NPR1: variants seen among roughly 807,000 people sequenced by gnomAD.
NPR1 encodes the protein atrial natriuretic peptide receptor 1.
In NPR1, 57 loss-of-function variants were observed where a neutral mutation model predicts 116.9. That is an observed-to-expected ratio of 0.49 (90% confidence interval 0.39 to 0.61). The LOEUF (loss-of-function observed/expected upper bound fraction) is 0.61, where lower values mean the gene tolerates loss of function less well. Ranked by LOEUF, NPR1 falls within the 20% of genes least tolerant of loss-of-function variation. NPR1 has a pLI of 0.00. For missense variants in NPR1, 1,096 were observed against 1,409.8 expected, an observed-to-expected ratio of 0.78 and a Z score of 3.56; for synonymous variants, 555 against 601.6, an observed-to-expected ratio of 0.92 and a Z score of 1.13.
rs373493865 is a variant in NPR1 at position 153,682,305 on chromosome 1, C to T, written c.1172-193C>T. Among the ~76,000 whole-genome samples the T allele has an allele frequency of 3.3e-5, 5 of 152,234 alleles. No homozygotes were observed. In the East Asian group the frequency reaches 5.8e-4, roughly 18 times the overall value. On this transcript the variant is annotated intron_variant, in intron 4 of 21. Transcript: ENST00000368680. ...GAACTCCTGACGTCAGGTGATCTGC[C>T]CGCCTCAGCCTCCCAAAGTGCTGGG...
intron 2 of NPR1, 183 bp downstream of exon 2, chr1:153,680,883 T>C: frequency 1.6e-6 from 1 of 638,010 alleles, no homozygotes; most frequent in Non-Finnish European, 2.7e-6. Flanking sequence ...AATTAGGCAA[T>C]GAAGGGCAGG....
At chr1:153,688,890 G>A in intron 15 of NPR1, 63 bp from the exon 16 acceptor site, 4 of 1,574,466 alleles carry the variant, frequency 2.5e-6, no homozygotes, top group Non-Finnish European at 3.5e-6. Flanking sequence ...CCTAGGGGCG[G>A]GCGCTCACGG....
intron 20 of NPR1, among the ~76,000 whole-genome samples, chr1:153,690,726 G>C (rs747841380): frequency 6.6e-6 from 1 of 151,986 alleles, no homozygotes; most frequent in African/African-American, 2.4e-5. Context: ...CGGATCACCT[G>C]AGGTCGGGGG....
In NPR1 at chr1:153,693,441, C is replaced by T. The variant is rs763231881; in HGVS notation, c.*27C>T. 1 of 1,528,696 alleles carries T rather than the reference C, an allele frequency of 6.5e-7. No individual in the cohort carries two copies. 94.7% of individuals were successfully genotyped at this position (1,528,696 alleles called of 1,614,324 possible). ...CTGCCTCCTCTCCTATCCCTCCACA[C>T]CTCCCTACCCTGTGCCAGAAGCAAC... On this transcript the variant is annotated 3_prime_UTR_variant, in exon 22 of 22. Transcript: ENST00000368680.
chr1:153,692,258 A>G (rs1337796982), intron 20 of NPR1, among the ~76,000 whole-genome samples: 1 of 152,226 alleles, frequency 6.6e-6, no homozygotes, highest in Non-Finnish European at 1.5e-5. Flanking sequence ...AAAATGAAGC[A>G]GAGAGAATTT....
rs992672130 is a variant in NPR1, at chr1:153,690,214, C to A, written c.2933-70C>A. 113 of 1,256,266 alleles carry A rather than the reference C, an allele frequency of 9.0e-5. No homozygotes were observed. In the African/African-American group the frequency reaches 1.5e-3, roughly 17 times the overall value. 77.8% of individuals were successfully genotyped at this position (1,256,266 alleles called of 1,614,324 possible). A position where few individuals can be genotyped will look rare whatever the true frequency, so the allele number is the denominator to read the frequency against. On this transcript the variant is annotated intron_variant, in intron 19 of 21. Coordinates refer to ENST00000368680, the MANE Select transcript of NPR1 (RefSeq NM_000906.4). ...CCTCCTGCCTGTCTTGGATTGTCCA[C>A]CTACCTCCCTTAACACCCCTCCCTC...
intron 6 of NPR1, 57 bp downstream of exon 6, chr1:153,683,568 A>C: frequency 6.2e-7 from 1 of 1,606,120 alleles, no homozygotes; most frequent in South Asian, 1.1e-5. Flanking sequence ...CCTTCCCCTA[A>C]GCACAGTCGA....
chr1:153,683,648 T>C, intron 6 of NPR1, 92 bp from the exon 7 acceptor site: 1 of 1,543,352 alleles, frequency 6.5e-7, no homozygotes, highest in Non-Finnish European at 8.9e-7. Flanking sequence ...CCTTCATCCA[T>C]CATCCCAGTT....
In NPR1 at chr1:153,679,216, G is replaced by A. The variant is rs1386282300; in HGVS notation, c.108G>A (p.Thr36=). ...GGGGCAGCCACGCGGGCAACCTGAC[G>A]GTAGCCGTGGTACTGCCGCTGGCCA... The part of the protein sequence containing the change: ...LLRGSHAGNL[T]VAVVLPLANT... The change falls in exon 1 of 22, where the codon ACG becomes ACA. Residue 36 remains threonine (T), a synonymous_variant. Coordinates refer to ENST00000368680, the MANE Select transcript of NPR1 (RefSeq NM_000906.4). This position sits in a 1 kb window ranked among gnomAD's most constrained non-coding sequence, Gnocchi z 4.2. 1.7e-5 allele frequency: 26 copies of A among 1,521,794 alleles called. No individual in the cohort carries two copies. The highest frequency in any genetic ancestry group is 2.9e-5 in the African/African-American group (2 of 69,956). The allele number at this position is 1,521,794 out of a possible 1,614,324, so 94.3% of individuals were successfully genotyped here.
At chr1:153,681,495 A>C in intron 3 of NPR1, 1 of 647,378 alleles carries the variant, frequency 1.5e-6, no homozygotes, top group Non-Finnish European at 2.7e-6. Flanking sequence ...TATGGAGACG[A>C]TACATCCTGC....
In NPR1 at chr1:153,689,189, T is replaced by G; in HGVS notation, c.2566T>G (p.Ser856Ala). Residue 856 changes from serine (S) to alanine (A), a missense_variant and splice_region_variant, in exon 17 of 22, where the codon TCA (serine) becomes GCA (alanine). Ser to Ala is a moderately conservative substitution (Grantham distance 99). Coordinates refer to ENST00000368680, the MANE Select transcript of NPR1 (RefSeq NM_000906.4). The surrounding 1 kb of genome is among the most constrained non-coding windows in gnomAD (Gnocchi z 5.1). ...EALLYQILPH[S>A]VAEQLKRGET... is the part of the protein sequence containing the mutation. ...CCTGCACCTGCCCTGACCCCTTAGC[T>G]CAGTGGCTGAGCAGCTGAAGCGTGG... The G allele has an allele frequency of 6.2e-7, 1 of 1,613,948 alleles. No individual in the cohort carries two copies. The highest frequency in any genetic ancestry group is 8.5e-7 in the Non-Finnish European group (1 of 1,179,976).
chr1:153,690,295 G>A lies in NPR1; in HGVS notation c.2944G>A (p.Ala982Thr). 1 of 1,557,866 alleles carries A rather than the reference G, an allele frequency of 6.4e-7. No individual in the cohort carries two copies. Among genetic ancestry groups the A allele is most frequent in the East Asian group, 2.4e-5 (1 of 41,976 alleles). Reference sequence around the variant, plus strand: ...CTTGCTCCTCCCAGGACCTGTGTGTGCTGGAGTGGTGGGACTGAAGATGCC... The same window carrying A: ...CTTGCTCCTCCCAGGACCTGTGTGTACTGGAGTGGTGGGACTGAAGATGCC... ...RIGIHTGPVC[A>T]GVVGLKMPRY... Residue 982 changes from alanine to threonine, a missense_variant, in exon 20 of 22, where the codon GCT becomes ACT. Ala to Thr is a moderately conservative substitution (Grantham distance 58). Coordinates refer to ENST00000368680, the MANE Select transcript of NPR1 (RefSeq NM_000906.4).
In NPR1 at chr1:153,687,024, G is replaced by A; in HGVS notation, c.1872G>A (p.Leu624=). 6.2e-7 allele frequency: 1 copy of A among 1,614,098 alleles called. No individual in the cohort carries two copies. The highest frequency in any genetic ancestry group is 8.5e-7 in the Non-Finnish European group (1 of 1,179,942). ...TCTTATTGCCCCAGCAGGACATTCT[G>A]GAGAATGAGAGCATCACCCTGGACT... ...YCPRGSLQDI[L]ENESITLDWM... is the part of the protein sequence containing the mutation. Residue 624 remains leucine (L), a synonymous_variant, in exon 12 of 22, where the codon CTG becomes CTA. Transcript: ENST00000368680.
Position 153,679,014 on chromosome 1 carries a change from G to T in NPR1, c.-95G>T. On this transcript the variant is annotated 5_prime_UTR_variant, in exon 1 of 22. In the 5' UTR this introduces an upstream ATG that the reference lacks. Coordinates refer to ENST00000368680, the MANE Select transcript of NPR1 (RefSeq NM_000906.4). This position sits in a 1 kb window ranked among gnomAD's most constrained non-coding sequence, Gnocchi z 4.2. Reference sequence around the variant, plus strand: ...CGTCCCGCTCCTGCTCCTTCCCATAGGGACGCGCCTGATGCCTGGGACCGG... The same window carrying T: ...CGTCCCGCTCCTGCTCCTTCCCATATGGACGCGCCTGATGCCTGGGACCGG... 7.5e-7 allele frequency: 1 copy of T among 1,337,478 alleles called. No homozygotes were observed. 82.9% of individuals were successfully genotyped at this position (1,337,478 alleles called of 1,614,324 possible).
chr1:153,688,000 C>G (rs546531096), intron 14 of NPR1, 53 bp from the exon 15 acceptor site: 117 of 1,339,942 alleles, frequency 8.7e-5, no homozygotes, highest in African/African-American at 6.1e-4. Flanking sequence ...CCCAGTCTCT[C>G]ACTAGGCCCT....
Position 153,679,171 on chromosome 1 carries a change from G to T in NPR1, c.63G>T (p.Pro21=). The stretch of plus-strand genomic sequence containing the variant: ...GCCTGCTCCTGCTCCTGCTGCTGCC[G>T]CCGCTGCTGCTGCTGCTCCGGGGCA... ...RLRLLLLLLL[P]PLLLLLRGSH... is the part of the protein sequence containing the mutation. Residue 21 remains proline (P), a synonymous_variant, in exon 1 of 22, where the codon CCG becomes CCT. Coordinates refer to ENST00000368680, the MANE Select transcript of NPR1 (RefSeq NM_000906.4). This position sits in a 1 kb window ranked among gnomAD's most constrained non-coding sequence, Gnocchi z 4.2. 6.7e-7 allele frequency: 1 copy of T among 1,502,258 alleles called. No homozygotes were observed. Among genetic ancestry groups the T allele is most frequent in the Non-Finnish European group, 8.8e-7 (1 of 1,131,954 alleles). 93.1% of individuals were successfully genotyped at this position (1,502,258 alleles called of 1,614,324 possible).
rs748660790 is a variant in NPR1, at chr1:153,693,426, T to C, written c.*12T>C. On this transcript the variant is annotated 3_prime_UTR_variant, in exon 22 of 22. Coordinates refer to ENST00000368680, the MANE Select transcript of NPR1 (RefSeq NM_000906.4). ...GCACCCGAGGCTGACCTGCCTCCTC[T>C]CCTATCCCTCCACACCTCCCTACCC... 2.5e-6 allele frequency: 4 copies of C among 1,578,436 alleles called. No individual in the cohort carries two copies. The South Asian group carries it at 4.5e-5, about 18-fold the overall frequency.
intron 4 of NPR1, 81 bp from the exon 5 acceptor site, chr1:153,682,416 AG>A: frequency 9.8e-7 from 1 of 1,016,588 alleles, no homozygotes; most frequent in South Asian, 1.3e-5. Flanking sequence ...AAGGCAAAAA[AG>A]ATTAGAGGAT....
At position 153,682,571 on chromosome 1, in the gene NPR1, C is replaced by T. The variant is rs201584708; in HGVS notation, c.1245C>T (p.Pro415=). 6.8e-5 allele frequency: 109 copies of T among 1,613,744 alleles called. No homozygotes were observed. The highest frequency in any genetic ancestry group is 4.9e-4 in the Middle Eastern group (3 of 6,082). The part of the protein sequence containing the change: ...ETDFSLWDMD[P]ENGAFRVVLN... ...ACTTCTCCCTCTGGGATATGGATCC[C>T]GAGAATGGTGCCTTCAGGGTAAGTT... Residue 415 remains proline, a synonymous_variant, in exon 5 of 22, where the codon CCC becomes CCT. Transcript: ENST00000368680.
Sources: gnomAD v4.1 joint callset for allele counts (sites outside exome capture counted in the v4.1 genomes callset) on GRCh38, gnomAD v4.1.1 for gene constraint, Gnocchi (gnomAD v3.1) non-coding constraint, MANE v1.5 for transcripts, NCBI Gene and HGNC (gene_info 2026-07-23, HGNC 2026-07-21) for gene names.